Variants in PRAMEF4 observed in about 807,000 individuals in gnomAD.
The protein encoded by PRAMEF4 is PRAME family member 4.
PRAMEF4 carries 18 observed loss-of-function variants against 34.4 expected under a neutral mutation model. The observed-to-expected ratio is 0.52, with a 90% CI of 0.36 to 0.78. PRAMEF4 has a LOEUF of 0.78. PRAMEF4 is among the 30% of genes least tolerant of loss of function. The probability of loss-of-function intolerance (pLI) is 0.00; values close to 1 mark genes in which losing one functional copy is unlikely to be tolerated. For missense variants in PRAMEF4, 482 were observed against 569.1 expected, an observed-to-expected ratio of 0.85 and a Z score of 1.56; for synonymous variants, 156 against 219.3, an observed-to-expected ratio of 0.71 and a Z score of 2.55.
chr1:12,885,792 A>T (rs527237060), intron 1 of PRAMEF4, among the ~76,000 whole-genome samples: 2 of 128,904 alleles, frequency 1.6e-5, no homozygotes, highest in African/African-American at 5.5e-5. Context: ...CCCCACCCTC[A>T]AAAAAAAAAC....
chr1:12,881,280 C>A (rs777630581), intron 3 of PRAMEF4, among the ~76,000 whole-genome samples: 1 of 148,462 alleles, frequency 6.7e-6, no homozygotes, highest in African/African-American at 2.5e-5. Context: ...GCAGGAGAAT[C>A]GCATGAACCT....
At chr1:12,884,041 C>G (rs1014314337) in intron 1 of PRAMEF4, among the ~76,000 whole-genome samples, 1 of 146,082 alleles carries the variant, frequency 6.8e-6, no homozygotes, top group African/African-American at 2.6e-5. Context: ...CAGAGTCTTG[C>G]TGTGTCACCC....
intron 1 of PRAMEF4, among the ~76,000 whole-genome samples, chr1:12,885,227 T>C (rs4508019): frequency 0.097 from 14,511 of 149,630 alleles, 883 homozygotes; most frequent in Middle Eastern, 0.19. Flanking sequence ...CCTCCAAGAT[T>C]CAAGCAATTC....
rs929413119 is a variant in PRAMEF4 at position 12,883,038 on chromosome 1, G to A, written c.293+64C>T. On this transcript the variant is annotated intron_variant, in intron 2 of 3. Coordinates refer to ENST00000235349, the MANE Select transcript of PRAMEF4 (RefSeq NM_001009611.4). ...CCCCTTGGGCCTCCTCACTTCTCAC[G>A]ACCCAGCTGTTCCTTCAGTTGGACA... 87 of 1,582,262 alleles carry A rather than the reference G, an allele frequency of 5.5e-5. 4 individuals carry two copies. The highest frequency in any genetic ancestry group is 4.0e-4 in the Admixed American group (22 of 55,432).
intron 3 of PRAMEF4, among the ~76,000 whole-genome samples, chr1:12,881,055 C>T (rs1263519164): frequency 1.3e-5 from 2 of 148,398 alleles, no homozygotes; most frequent in Admixed American, 6.9e-5. Context: ...TTCCCTACTT[C>T]ACATCATCTT....
chr1:12,881,135 G>T (rs547826465), intron 3 of PRAMEF4, among the ~76,000 whole-genome samples: 1 of 148,236 alleles, frequency 6.7e-6, no homozygotes, highest in South Asian at 2.1e-4. Flanking sequence ...GGAGTCCATG[G>T]TGGGTGGATC....
At position 12,881,921 on chromosome 1, in the gene PRAMEF4, G is replaced by T; in HGVS notation, c.808C>A (p.Arg270Ser). Reference protein sequence around the residue: ...TQFTTQFLKLRCLQKLYMNSV... With the variant: ...TQFTTQFLKLSCLQKLYMNSV... ...TTCATATAAAGCTTTTGGAGGCAGCGCAGCTTGAGGAACTGAGTGGTGAAC... is the reference window on the plus strand; with the variant it reads ...TTCATATAAAGCTTTTGGAGGCAGCTCAGCTTGAGGAACTGAGTGGTGAAC... Residue 270 changes from arginine to serine, a missense_variant, in exon 3 of 4, where the codon CGC (arginine) becomes AGC (serine). Coordinates refer to ENST00000235349, the MANE Select transcript of PRAMEF4 (RefSeq NM_001009611.4). 6.3e-7 allele frequency: 1 copy of T among 1,589,482 alleles called. No individual in the cohort carries two copies. Among genetic ancestry groups the T allele is most frequent in the Non-Finnish European group, 8.5e-7 (1 of 1,175,328 alleles).
intron 2 of PRAMEF4, among the ~76,000 whole-genome samples, chr1:12,882,741 C>T (rs111601764): frequency 2.0e-5 from 3 of 147,996 alleles, no homozygotes; most frequent in African/African-American, 5.1e-5. Flanking sequence ...CAGGAGCCCA[C>T]CACCATGCCC....
chr1:12,885,499 A>G lies in PRAMEF4; in HGVS notation c.-17+648T>C, dbSNP rs1640984868. Among the ~76,000 whole-genome samples, 2 of 149,138 alleles carry G rather than the reference A, an allele frequency of 1.3e-5. 1 individual carries two copies. The highest frequency in any genetic ancestry group is 3.0e-5 in the Non-Finnish European group (2 of 67,542). Reference sequence around the variant, plus strand: ...ACCAGCCACCCAAATAGCTGGGACTACAGATGCATGGTGACTCACAGCTGT... The same window carrying G: ...ACCAGCCACCCAAATAGCTGGGACTGCAGATGCATGGTGACTCACAGCTGT... On this transcript the variant is annotated intron_variant, in intron 1 of 3. Coordinates refer to ENST00000235349, the MANE Select transcript of PRAMEF4 (RefSeq NM_001009611.4).
Position 12,883,194 on chromosome 1 carries a change from A to G in PRAMEF4, c.201T>C (p.Pro67=). 6.3e-7 allele frequency: 1 copy of G among 1,599,862 alleles called. No homozygotes were observed. The highest frequency in any genetic ancestry group is 8.5e-7 in the Non-Finnish European group (1 of 1,173,290). The change falls in exon 2 of 4, where the codon CCT becomes CCC. Residue 67 remains proline, a synonymous_variant. Coordinates refer to ENST00000235349, the MANE Select transcript of PRAMEF4 (RefSeq NM_001009611.4). ...MVQSWPFRRL[P]LRPLIKMPCL... is the part of the protein sequence containing the mutation. ...AAGGCATCTTTATCAGAGGCCTCAG[A>G]GGGAGGCGGCGGAAGGGCCAGGACT...
intron 1 of PRAMEF4, among the ~76,000 whole-genome samples, chr1:12,885,750 A>G (rs1229282837): frequency 6.8e-6 from 1 of 146,444 alleles, no homozygotes; most frequent in Non-Finnish European, 1.5e-5. Flanking sequence ...ATGCCACTGC[A>G]CTCCAGTCTG....
At chr1:12,882,519 C>T (rs1640911429) in intron 2 of PRAMEF4, 84 bp from the exon 3 acceptor site, 2 of 1,536,816 alleles carry the variant, frequency 1.3e-6, no homozygotes, top group East Asian at 2.3e-5. Context: ...AGCTCCTCCC[C>T]TCCCTGCTTC....
rs750745918 is a variant in PRAMEF4 at position 12,883,296 on chromosome 1, C to A, written c.99G>T (p.Leu33=). ...QALAMSTLEE[L]PTELFPPLFM... is the part of the protein sequence containing the mutation. ...ACAGTGGGGGGAAAAGTTCTGTGGG[C>A]AGCTCCTCCAGGGTGGACATGGCCA... Residue 33 remains leucine, a synonymous_variant, in exon 2 of 4, where the codon CTG becomes CTT. Transcript: ENST00000235349. 3 of 1,599,768 alleles carry A rather than the reference C, an allele frequency of 1.9e-6. 1 individual carries two copies. Among genetic ancestry groups the A allele is most frequent in the East Asian group, 2.3e-5 (1 of 44,282 alleles).
At position 12,879,713 on chromosome 1, in the gene PRAMEF4, C is replaced by G. The variant is rs2994101; in HGVS notation, c.1268G>C (p.Gly423Ala). The part of the protein sequence containing the change: ...ELYPAPRESY[G>A]ADGTLCWSRF... ...GCTCCAGCAGAGAGTACCATCAGCA[C>G]CATAACTCTCCCGGGGGGCAGGATA... is the stretch of plus-strand genomic sequence containing the variant. Residue 423 changes from glycine (G) to alanine (A), a missense_variant, in exon 4 of 4, where the codon GGT (glycine) becomes GCT (alanine). Transcript: ENST00000235349. The G allele has an allele frequency of 9.4e-6, 15 of 1,599,658 alleles. No homozygotes were observed. In the South Asian group the frequency reaches 1.2e-4, roughly 13 times the overall value.
rs755682839 is a variant in PRAMEF4, at chr1:12,883,877, TTC to T, written c.-16-469_-16-468del. Among the ~76,000 whole-genome samples the T allele has an allele frequency of 1.2e-4, 17 of 139,670 alleles. 1 individual carries two copies. The highest frequency in any genetic ancestry group is 4.6e-4 in the South Asian group (2 of 4,340). The allele number at this position is 139,670 out of a possible 152,430, so 91.6% of individuals were successfully genotyped here. A position where few individuals can be genotyped will look rare whatever the true frequency, so the allele number is the denominator to read the frequency against. ...TTCATTATTTAAGCTTGCTTTCTCT[TTC>T]TCTCTCTTTCTTCTTTCCTTCTTTC... On this transcript the variant is annotated intron_variant, in intron 1 of 3. Transcript: ENST00000235349.
In PRAMEF4 at chr1:12,879,716, T is replaced by C. The variant is rs1557638473; in HGVS notation, c.1265A>G (p.Tyr422Cys). 2 of 1,600,574 alleles carry C rather than the reference T, an allele frequency of 1.2e-6. No individual in the cohort carries two copies. The highest frequency in any genetic ancestry group is 1.7e-6 in the Non-Finnish European group (2 of 1,173,924). ...VELYPAPRES[Y>C]GADGTLCWSR... ...CCAGCAGAGAGTACCATCAGCACCA[T>C]AACTCTCCCGGGGGGCAGGATACAG... Residue 422 changes from tyrosine to cysteine, a missense_variant, in exon 4 of 4, where the codon TAT becomes TGT. By Grantham distance (194) the Tyr-to-Cys change is radical. Transcript: ENST00000235349.
Position 12,883,055 on chromosome 1 carries a change from A to C in PRAMEF4, c.293+47T>G, listed in dbSNP as rs367682007. ...CTTCTCACGACCCAGCTGTTCCTTC[A>C]GTTGGACACCTGGGCCCTCCCCACC... is the stretch of plus-strand genomic sequence containing the variant. On this transcript the variant is annotated intron_variant, in intron 2 of 3. Transcript: ENST00000235349. 1.0e-4 allele frequency: 159 copies of C among 1,592,970 alleles called. 12 individuals are homozygous for C. In the African/African-American group the frequency reaches 1.9e-3, roughly 19 times the overall value.
In PRAMEF4 at chr1:12,879,918, C is replaced by T. The variant is rs199664197; in HGVS notation, c.1063G>A (p.Glu355Lys). The T allele has an allele frequency of 4.4e-6, 7 of 1,605,018 alleles. 1 individual carries two copies. The highest frequency in any genetic ancestry group is 2.5e-6 in the Non-Finnish European group (3 of 1,176,784). ...CCACAGTCATCTAAATCCAGGTACT[C>T]AAGGGTGGCTGCAACTTTTTCTAGG... ...ILLEKVAATL[E>K]YLDLDDCGII... The change falls in exon 4 of 4, where the codon GAG becomes AAG. Residue 355 changes from glutamate to lysine, a missense_variant. By Grantham distance (56) the Glu-to-Lys change is moderately conservative. Transcript: ENST00000235349.
At chr1:12,884,308 C>A (rs1355252964) in intron 1 of PRAMEF4, among the ~76,000 whole-genome samples, 1 of 149,188 alleles carries the variant, frequency 6.7e-6, no homozygotes, top group Non-Finnish European at 1.5e-5. Flanking sequence ...TGAGCCTCCA[C>A]CCCAGCCTCA....
Sources: allele counts gnomAD v4.1 joint callset (sites outside exome capture counted in the v4.1 genomes callset), GRCh38; gene constraint gnomAD v4.1.1; transcripts MANE v1.5; gene names NCBI Gene and HGNC (gene_info 2026-07-23, HGNC 2026-07-21).